Variants in RSU1 observed in about 807,000 individuals in gnomAD.
RSU1 encodes Ras suppressor protein 1, also known as rsu-1.
A neutral mutation model predicts 31.1 loss-of-function variants in RSU1; 26 were observed. The ratio of observed to expected loss-of-function variants is 0.84; its 90% confidence interval spans 0.61 to 1.16. RSU1 has a LOEUF of 1.16. Among genes scored for constraint, RSU1 ranks in the 50% most tolerant of loss-of-function variants. RSU1 has a pLI of 0.00. For missense variants in RSU1, 320 were observed against 339.1 expected (o/e 0.94, Z 0.44); for synonymous variants, 164 against 136.3 (o/e 1.20, Z -1.41).
At chr10:16,688,785 G>A (rs760190058) in intron 8 of RSU1, among the ~76,000 whole-genome samples, 1 of 151,492 alleles carries the variant, frequency 6.6e-6, no homozygotes, top group Non-Finnish European at 1.5e-5. Flanking sequence ...AAAATCTCTT[G>A]AGGCCAGGGG....
chr10:16,808,572 C>G (rs1161045302), intron 2 of RSU1, among the ~76,000 whole-genome samples: 1 of 151,564 alleles, frequency 6.6e-6, no homozygotes, highest in Non-Finnish European at 1.5e-5. Context: ...CTCCATAGCT[C>G]TCTACTTTCT....
At chr10:16,618,544 C>G (rs1305922270) in intron 8 of RSU1, among the ~76,000 whole-genome samples, 1 of 152,186 alleles carries the variant, frequency 6.6e-6, no homozygotes, top group African/African-American at 2.4e-5. Flanking sequence ...TACTGCAGCA[C>G]TATTTACAAC....
intron 7 of RSU1, among the ~76,000 whole-genome samples, chr10:16,726,374 T>C (rs1311109958): frequency 6.6e-6 from 1 of 151,556 alleles, no homozygotes; most frequent in Non-Finnish European, 1.5e-5. Context: ...TTCAAGTGAT[T>C]CTCCTACCTC....
In RSU1 at chr10:16,811,567, A is replaced by G. The variant is rs372320132; in HGVS notation, c.109+5406T>C. ...ACAAAAAAGCCACCAGGGCCACTAG[A>G]GCCAGAATGTCAGAGGACTGACAAA... is the stretch of plus-strand genomic sequence containing the variant. On this transcript the variant is annotated intron_variant, in intron 2 of 8. Transcript: ENST00000345264. 8.1e-3 allele frequency among the ~76,000 whole-genome samples: 1,241 copies of G among 152,320 alleles called. 25 individuals carry two copies. The highest frequency in any genetic ancestry group is 0.029 in the African/African-American group (1,201 of 41,560).
In RSU1 at chr10:16,751,714, C is replaced by A. The variant is rs141407777; in HGVS notation, c.598+825G>T. Among the ~76,000 whole-genome samples, 513 of 152,274 alleles carry A rather than the reference C, an allele frequency of 3.4e-3. 8 individuals carry two copies. The highest frequency in any genetic ancestry group is 0.012 in the African/African-American group (498 of 41,552). ...CCAAACTTGTTTAAAGAACTGCTTC[C>A]TCAATGTGTTTCTTAAAAATGATGG... On this transcript the variant is annotated intron_variant, in intron 7 of 8. Coordinates refer to ENST00000345264, the MANE Select transcript of RSU1 (RefSeq NM_012425.4).
At chr10:16,722,883 T>TATACATATATGTATATATACACAC (rs1836301011) in intron 7 of RSU1, among the ~76,000 whole-genome samples, 2 of 149,200 alleles carry the variant, frequency 1.3e-5, no homozygotes, top group Admixed American at 6.8e-5. Flanking sequence ...TATACACACA[T>TATACATATATGTATATATACACAC]ATACATATAT....
chr10:16,709,335 T>G (rs1279693835), intron 7 of RSU1, among the ~76,000 whole-genome samples: 1 of 152,232 alleles, frequency 6.6e-6, no homozygotes, highest in Non-Finnish European at 1.5e-5. Flanking sequence ...TCATCATTTT[T>G]TATGGCTGCA....
At chr10:16,697,472 T>C (rs1490316347) in intron 7 of RSU1, among the ~76,000 whole-genome samples, 1 of 152,054 alleles carries the variant, frequency 6.6e-6, no homozygotes, top group Admixed American at 6.5e-5. Flanking sequence ...CAAGGCAATT[T>C]GGCCAACATG....
At chr10:16,690,291 G>C (rs1448659038) in intron 8 of RSU1, among the ~76,000 whole-genome samples, 1 of 152,184 alleles carries the variant, frequency 6.6e-6, no homozygotes, top group Non-Finnish European at 1.5e-5. Flanking sequence ...TAAAAACACA[G>C]TGGAGCATGT....
intron 4 of RSU1, among the ~76,000 whole-genome samples, chr10:16,758,957 G>A (rs978789521): frequency 3.3e-5 from 5 of 152,152 alleles, no homozygotes; most frequent in African/African-American, 1.2e-4. Context: ...AATGCGTGTT[G>A]GAAGTGGGCA....
At chr10:16,731,668 T>C (rs1020995564) in intron 7 of RSU1, among the ~76,000 whole-genome samples, 1 of 152,332 alleles carries the variant, frequency 6.6e-6, no homozygotes, top group Non-Finnish European at 1.5e-5. Context: ...CTTTGCATTA[T>C]CATTTTTAAA....
intron 8 of RSU1, among the ~76,000 whole-genome samples, chr10:16,678,618 T>C (rs1363214497): frequency 6.6e-6 from 1 of 152,198 alleles, no homozygotes; most frequent in African/African-American, 2.4e-5. Flanking sequence ...TATACATTCA[T>C]GGGGAAGTAA....
At chr10:16,805,291 G>A (rs11818023) in intron 2 of RSU1, among the ~76,000 whole-genome samples, 14,525 of 152,200 alleles carry the variant, frequency 0.095, 889 homozygotes, top group East Asian at 0.22. Context: ...GTTAATATGG[G>A]AAACTAGGAA....
At chr10:16,815,294 G>A (rs1297885873) in intron 2 of RSU1, among the ~76,000 whole-genome samples, 2 of 152,164 alleles carry the variant, frequency 1.3e-5, no homozygotes, top group Non-Finnish European at 2.9e-5. Context: ...TAAAGCCTAC[G>A]AAACGCAAAT....
intron 2 of RSU1, among the ~76,000 whole-genome samples, chr10:16,810,593 A>ACTC (rs1838387328): frequency 3.3e-5 from 5 of 152,318 alleles, no homozygotes; most frequent in Admixed American, 2.6e-4. Flanking sequence ...GGTGAGGAAT[A>ACTC]AGGCAGTGGG....
At chr10:16,634,733 T>C (rs1483686020) in intron 8 of RSU1, among the ~76,000 whole-genome samples, 1 of 152,180 alleles carries the variant, frequency 6.6e-6, no homozygotes, top group Non-Finnish European at 1.5e-5. Flanking sequence ...GGAAGGGACC[T>C]TACAGGTCAC....
chr10:16,799,713 A>C (rs1362615008), intron 2 of RSU1, among the ~76,000 whole-genome samples: 1 of 152,186 alleles, frequency 6.6e-6, no homozygotes, highest in East Asian at 1.9e-4. Flanking sequence ...TCTCCTTAAC[A>C]AACAGAGAAA....
intron 8 of RSU1, among the ~76,000 whole-genome samples, chr10:16,623,296 C>G (rs2131481670): frequency 6.6e-6 from 1 of 152,250 alleles, no homozygotes; most frequent in African/African-American, 2.4e-5. Context: ...ATCTGGTTTT[C>G]TGTTTCTGTG....
At chr10:16,793,526 C>A (rs1837969467) in intron 2 of RSU1, among the ~76,000 whole-genome samples, 1 of 152,066 alleles carries the variant, frequency 6.6e-6, no homozygotes, top group Non-Finnish European at 1.5e-5. Flanking sequence ...AATTATGGAG[C>A]CCACATCATT....
Sources: allele counts gnomAD v4.1 joint callset (sites outside exome capture counted in the v4.1 genomes callset), GRCh38; gene constraint gnomAD v4.1.1; transcripts MANE v1.5; gene names NCBI Gene and HGNC (gene_info 2026-07-23, HGNC 2026-07-21).